The following RB1 variants were observed in gnomAD, a reference collection of about 807,000 sequenced individuals.
The protein encoded by RB1 is retinoblastoma-associated protein.
In RB1, 18 loss-of-function variants were observed where a neutral mutation model predicts 135.4. That is an observed-to-expected ratio of 0.13 (90% CI 0.09 to 0.20). RB1 has a LOEUF of 0.20. RB1 is among the 10% of genes least tolerant of loss of function. RB1 has a pLI of 1.00. For missense variants in RB1, 868 were observed against 1,110.0 expected (o/e 0.78, Z 3.10); for synonymous variants, 365 against 373.2 (o/e 0.98, Z 0.25).
At chr13:48,412,006 C>A in intron 17 of RB1, 1 of 1,610,956 alleles carries the variant, frequency 6.2e-7, no homozygotes, top group African/African-American at 1.3e-5. Flanking sequence ...GTTAACCACA[C>A]GCCAGTGCAA....
intron 19 of RB1, among the ~76,000 whole-genome samples, chr13:48,459,168 G>A (rs1435295908): frequency 6.6e-6 from 1 of 152,092 alleles, no homozygotes; most frequent in Non-Finnish European, 1.5e-5. Context: ...AATTCAGCAA[G>A]TATCATTCTG....
At chr13:48,377,279 C>G (rs923959311) in intron 13 of RB1, among the ~76,000 whole-genome samples, 1 of 152,042 alleles carries the variant, frequency 6.6e-6, no homozygotes, top group Non-Finnish European at 1.5e-5. Context: ...TTGGAAAATA[C>G]AACTAAGAAA....
chr13:48,455,176 T>C (rs950878309), intron 18 of RB1, among the ~76,000 whole-genome samples: 8 of 152,148 alleles, frequency 5.3e-5, no homozygotes, highest in Non-Finnish European at 1.0e-4. Context: ...TTCAGGAATT[T>C]GGAAAATGGA....
intron 21 of RB1, among the ~76,000 whole-genome samples, chr13:48,464,570 G>T (rs1028701142): frequency 6.6e-6 from 1 of 152,044 alleles, no homozygotes; most frequent in African/African-American, 2.4e-5. Context: ...TTATAGATTG[G>T]GGGGGATACC....
At chr13:48,406,277 A>G (rs1049659116) in intron 17 of RB1, among the ~76,000 whole-genome samples, 4 of 152,102 alleles carry the variant, frequency 2.6e-5, no homozygotes, top group Non-Finnish European at 4.4e-5. Context: ...TTCCCACCAG[A>G]AATGTATGAA....
chr13:48,385,209 C>CA (rs1948563243), intron 17 of RB1, among the ~76,000 whole-genome samples: 1 of 152,146 alleles, frequency 6.6e-6, no homozygotes. Flanking sequence ...CCATTTCTCT[C>CA]ACAGCAGCCA....
chr13:48,465,520 C>T (rs183611965), intron 23 of RB1, 152 bp downstream of exon 23: 12 of 918,592 alleles, frequency 1.3e-5, no homozygotes, highest in East Asian at 5.4e-5. Context: ...AATATGGGGG[C>T]GGGGTGAAGA....
Position 48,470,746 on chromosome 13 carries a change from G to A in RB1, c.2490-2614G>A, listed in dbSNP as rs1470682266. ...AAAACAACCCTATCAAAAAGTGGGC[G>A]AAGGACATGAACAGACACTTCTCAA... On this transcript the variant is annotated intron_variant, in intron 23 of 26. Transcript: ENST00000267163. Among the ~76,000 whole-genome samples, 7 of 19,442 alleles carry A rather than the reference G, an allele frequency of 3.6e-4. 1 individual carries two copies. The highest frequency in any genetic ancestry group is 4.6e-4 in the African/African-American group (7 of 15,226). 12.8% of individuals were successfully genotyped at this position (19,442 alleles called of 152,430 possible).
intron 17 of RB1, among the ~76,000 whole-genome samples, chr13:48,387,080 A>T (rs550394510): frequency 6.6e-6 from 1 of 152,204 alleles, no homozygotes; most frequent in African/African-American, 2.4e-5. Flanking sequence ...TCCTCTTTCC[A>T]TATGAGGCCA....
At chr13:48,338,684 A>G (rs1477310691) in intron 2 of RB1, among the ~76,000 whole-genome samples, 1 of 152,190 alleles carries the variant, frequency 6.6e-6, no homozygotes, top group Non-Finnish European at 1.5e-5. Flanking sequence ...CAAATCGTCA[A>G]AGTCATTCTC....
At chr13:48,380,488 C>A (rs555395279) in intron 16 of RB1, among the ~76,000 whole-genome samples, 1 of 151,960 alleles carries the variant, frequency 6.6e-6, no homozygotes, top group African/African-American at 2.4e-5. Flanking sequence ...TATACTGAAT[C>A]CAAAAAAGGT....
intron 26 of RB1, 80 bp from the exon 27 acceptor site, chr13:48,479,918 G>A (rs1035926275): frequency 2.7e-6 from 3 of 1,107,448 alleles, no homozygotes; most frequent in East Asian, 2.5e-5. Context: ...AGTTTGACAT[G>A]AGCATAATAT....
chr13:48,455,256 G>A (rs1166562791), intron 18 of RB1, among the ~76,000 whole-genome samples: 1 of 152,160 alleles, frequency 6.6e-6, no homozygotes, highest in East Asian at 1.9e-4. Context: ...CTTTGAGATG[G>A]GAAAATAAAT....
At chr13:48,352,321 C>T (rs905821558) in intron 6 of RB1, among the ~76,000 whole-genome samples, 3 of 150,850 alleles carry the variant, frequency 2.0e-5, no homozygotes, top group Non-Finnish European at 4.4e-5. Flanking sequence ...CTTAGGATTG[C>T]CTTGGCTATT....
rs138961616 is a variant in RB1 at position 48,450,514 on chromosome 13, C to T, written c.1696-2479C>T. On this transcript the variant is annotated intron_variant, in intron 17 of 26. Transcript: ENST00000267163. ...TCTGAGTCCTCTACTCTGTTCCATT[C>T]GTCTGTGTGTCTGCTTTTGTACTAA... Among the ~76,000 whole-genome samples the T allele has an allele frequency of 6.4e-3, 969 of 152,174 alleles. 12 individuals carry two copies. Among genetic ancestry groups the T allele is most frequent in the African/African-American group, 0.022 (914 of 41,504 alleles).
chr13:48,324,424 G>A (rs369156142), intron 2 of RB1, among the ~76,000 whole-genome samples: 3,577 of 100,304 alleles, frequency 0.036, 156 homozygotes, highest in African/African-American at 0.13. Flanking sequence ...GTCTCCATGA[G>A]TTCAATATTT....
At chr13:48,465,432 A>G in intron 23 of RB1, 64 bp downstream of exon 23, 1 of 1,426,604 alleles carries the variant, frequency 7.0e-7, no homozygotes. Context: ...ATCCAAGAAT[A>G]AAAAATATAA....
chr13:48,304,710 C>T (rs184512733), intron 1 of RB1, among the ~76,000 whole-genome samples: 9 of 152,222 alleles, frequency 5.9e-5, no homozygotes, highest in African/African-American at 1.9e-4. Flanking sequence ...GGAACTGAAA[C>T]ATGGGCAAAA....
At position 48,388,393 on chromosome 13, in the gene RB1, AT is replaced by A. The variant is rs1948586266; in HGVS notation, c.1695+6951del. On this transcript the variant is annotated intron_variant, in intron 17 of 26. Transcript: ENST00000267163. Reference sequence around the variant, plus strand: ...AATAGAGGTGTCAAGTAGCAGTTGGATATGTGTGTCTGGAACTTAGGAAAGA... The same window carrying A: ...AATAGAGGTGTCAAGTAGCAGTTGGAATGTGTGTCTGGAACTTAGGAAAGA... Among the ~76,000 whole-genome samples the A allele has an allele frequency of 2.0e-5, 3 of 152,274 alleles. No homozygotes were observed. The South Asian group carries it at 6.2e-4, about 32-fold the overall frequency.
Sources: gnomAD v4.1 joint callset for allele counts (sites outside exome capture counted in the v4.1 genomes callset) on GRCh38, gnomAD v4.1.1 for gene constraint, MANE v1.5 for transcripts, NCBI Gene and HGNC (gene_info 2026-07-23, HGNC 2026-07-21) for gene names.